SAMD8: variants seen among roughly 807,000 people sequenced by gnomAD.
SAMD8 encodes sterile alpha motif domain containing 8, also known as sphingomyelin synthase-related protein 1.
A neutral mutation model predicts 42.0 loss-of-function variants in SAMD8; 20 were observed. The observed-to-expected ratio is 0.48, with a 90% CI of 0.34 to 0.69. The LOEUF (loss-of-function observed/expected upper bound fraction) is 0.69, where lower values mean the gene tolerates loss of function less well. Among genes scored for constraint, SAMD8 ranks in the 30% least tolerant of loss-of-function variants. The probability of loss-of-function intolerance (pLI) is 0.01; values close to 1 mark genes in which losing one functional copy is unlikely to be tolerated. For synonymous variants in SAMD8, 162 were observed against 173.0 expected (o/e 0.94, Z 0.50); for missense variants, 328 against 511.6 (o/e 0.64, Z 3.46).
At chr10:75,146,132 G>C (rs1019653291) in intron 1 of SAMD8, among the ~76,000 whole-genome samples, 1 of 152,026 alleles carries the variant, frequency 6.6e-6, no homozygotes, top group South Asian at 2.1e-4. Context: ...TCAACTCAGT[G>C]AGCCTGCCAG....
intron 1 of SAMD8, among the ~76,000 whole-genome samples, chr10:75,148,346 C>CTTTGTTTT (rs1840193320): frequency 2.4e-5 from 2 of 82,564 alleles, no homozygotes; most frequent in African/African-American, 1.3e-4. Context: ...GCAATACCAG[C>CTTTGTTTT]TTTTTTTTTT....
intron 4 of SAMD8, among the ~76,000 whole-genome samples, chr10:75,175,236 CCA>C (rs1418693748): frequency 6.6e-6 from 1 of 152,218 alleles, no homozygotes; most frequent in Non-Finnish European, 1.5e-5. Flanking sequence ...AGTCACGTGG[CCA>C]CACCTAGCTA....
At chr10:75,120,056 A>G (rs1443497949) in intron 1 of SAMD8, among the ~76,000 whole-genome samples, 1 of 152,140 alleles carries the variant, frequency 6.6e-6, no homozygotes, top group South Asian at 2.1e-4. Flanking sequence ...CGACAGAGTG[A>G]GACACTGTCT....
chr10:75,118,894 G>A (rs1848942482), intron 1 of SAMD8, among the ~76,000 whole-genome samples: 1 of 152,068 alleles, frequency 6.6e-6, no homozygotes, highest in Non-Finnish European at 1.5e-5. Context: ...TTATGTTCTG[G>A]TTTATGGATC....
chr10:75,137,226 G>GTA (rs1839909562), intron 1 of SAMD8, among the ~76,000 whole-genome samples: 1 of 152,152 alleles, frequency 6.6e-6, no homozygotes, highest in African/African-American at 2.4e-5. Context: ...ACATAGAAGG[G>GTA]GATATTATTC....
chr10:75,133,166 T>C (rs1424971896), intron 1 of SAMD8, among the ~76,000 whole-genome samples: 1 of 152,046 alleles, frequency 6.6e-6, no homozygotes, highest in Non-Finnish European at 1.5e-5. Context: ...TTTGGGAGGC[T>C]GAGGCAGGCA....
chr10:75,175,168 T>A (rs1589982035), intron 4 of SAMD8, among the ~76,000 whole-genome samples: 1 of 152,358 alleles, frequency 6.6e-6, no homozygotes, highest in East Asian at 1.9e-4. Context: ...CTTACCTTGA[T>A]AAGTAGCCTT....
At chr10:75,173,334 T>C (rs1456942329) in intron 4 of SAMD8, among the ~76,000 whole-genome samples, 3 of 152,206 alleles carry the variant, frequency 2.0e-5, no homozygotes, top group Non-Finnish European at 4.4e-5. Context: ...TTCCTGGAAG[T>C]AAGGGGTTTG....
At chr10:75,151,446 C>T (rs570933297) in intron 2 of SAMD8, among the ~76,000 whole-genome samples, 6 of 151,732 alleles carry the variant, frequency 4.0e-5, no homozygotes, top group East Asian at 1.9e-4. Context: ...CTCAACCTCC[C>T]GGGCTCAAGC....
chr10:75,158,022 G>A (rs759973200), intron 2 of SAMD8, among the ~76,000 whole-genome samples: 1 of 151,938 alleles, frequency 6.6e-6, no homozygotes, highest in African/African-American at 2.4e-5. Context: ...AGCCAGGCAT[G>A]GTGGTGCATG....
intron 2 of SAMD8, 107 bp downstream of exon 2, chr10:75,151,213 C>T (rs1470740427): frequency 3.6e-6 from 2 of 558,168 alleles, no homozygotes; most frequent in East Asian, 6.7e-5. Flanking sequence ...TAGATGTATA[C>T]TTTCCATTTG....
chr10:75,163,666 C>T (rs1420685339), intron 2 of SAMD8, among the ~76,000 whole-genome samples: 1 of 151,780 alleles, frequency 6.6e-6, no homozygotes, highest in African/African-American at 2.4e-5. Flanking sequence ...GGCTGGTCTC[C>T]TGAACTCCTG....
intron 1 of SAMD8, among the ~76,000 whole-genome samples, chr10:75,119,467 C>T (rs372490957): frequency 6.6e-6 from 1 of 152,150 alleles, no homozygotes; most frequent in African/African-American, 2.4e-5. Context: ...ACAAATAGCA[C>T]ATATTGTATT....
At chr10:75,171,341 G>T (rs187126424) in intron 4 of SAMD8, among the ~76,000 whole-genome samples, 231 of 150,572 alleles carry the variant, frequency 1.5e-3, no homozygotes, top group African/African-American at 5.0e-3. Flanking sequence ...TAATTTTTTT[G>T]TATTTTTAGT....
upstream of SAMD8, among the ~76,000 whole-genome samples, chr10:75,106,942 A>T (rs2134392604): frequency 6.6e-6 from 1 of 152,370 alleles, no homozygotes; most frequent in Middle Eastern, 3.4e-3. Flanking sequence ...AGTGAGGGAC[A>T]CAGCTGTCTT....
chr10:75,169,574 C>G (rs1295213600), intron 4 of SAMD8, among the ~76,000 whole-genome samples: 5 of 152,040 alleles, frequency 3.3e-5, no homozygotes, highest in African/African-American at 1.2e-4. Flanking sequence ...TTAAAAGTTT[C>G]TCATATGGCA....
At chr10:75,152,025 G>A (rs1315734434) in intron 2 of SAMD8, among the ~76,000 whole-genome samples, 2 of 149,202 alleles carry the variant, frequency 1.3e-5, no homozygotes, top group East Asian at 4.1e-4. Context: ...CTGGAATGAT[G>A]TTTGTAATAA....
intron 1 of SAMD8, among the ~76,000 whole-genome samples, chr10:75,129,904 G>C (rs906677637): frequency 1.3e-5 from 2 of 152,108 alleles, no homozygotes; most frequent in Non-Finnish European, 2.9e-5. Context: ...AAGAGCTAGG[G>C]CACTGTTCTA....
At chr10:75,108,402 GGT>G (rs967061921), upstream of SAMD8, 7 of 1,025,492 alleles carry the variant, frequency 6.8e-6, no homozygotes, top group African/African-American at 1.6e-5. Flanking sequence ...CTGAGCCGGC[GGT>G]GTGTGTGTCG....
Sources: allele counts gnomAD v4.1 joint callset (sites outside exome capture counted in the v4.1 genomes callset), GRCh38; gene constraint gnomAD v4.1.1; transcripts MANE v1.5; gene names NCBI Gene and HGNC (gene_info 2026-07-23, HGNC 2026-07-21).